Variants in IMMP1L observed in about 807,000 individuals in gnomAD.
IMMP1L encodes mitochondrial inner membrane protease subunit 1.
In IMMP1L, 24 loss-of-function variants were observed where a neutral mutation model predicts 21.8. The ratio of observed to expected loss-of-function variants is 1.10; its 90% CI spans 0.80 to 1.55. IMMP1L has a LOEUF of 1.55. Among genes scored for constraint, IMMP1L ranks in the 40% most tolerant of loss-of-function variants. The pLI is 0.00. For synonymous variants in IMMP1L, 46 were observed against 62.8 expected (o/e 0.73, Z 1.26); for missense variants, 195 against 200.7 (o/e 0.97, Z 0.17).
chr11:31,464,709 T>C (rs1329529051), intron 1 of IMMP1L, among the ~76,000 whole-genome samples: 2 of 152,158 alleles, frequency 1.3e-5, no homozygotes, highest in Non-Finnish European at 2.9e-5. Context: ...TCTCAATAGA[T>C]GCAGAAAAAG....
chr11:31,508,188 T>G (rs993070574), intron 1 of IMMP1L, among the ~76,000 whole-genome samples: 1 of 152,308 alleles, frequency 6.6e-6, no homozygotes, highest in Middle Eastern at 3.4e-3. Context: ...ATTCAAGACG[T>G]TTCTATCTGA....
chr11:31,500,118 C>T (rs1029158495), intron 1 of IMMP1L, among the ~76,000 whole-genome samples: 1 of 152,004 alleles, frequency 6.6e-6, no homozygotes, highest in African/African-American at 2.4e-5. Context: ...AAGCAAAGTA[C>T]ACCAATAAAT....
chr11:31,472,888 TG>T (rs1186079401), intron 1 of IMMP1L, among the ~76,000 whole-genome samples: 4 of 152,082 alleles, frequency 2.6e-5, no homozygotes, highest in African/African-American at 9.7e-5. Flanking sequence ...TTTTTTGAGA[TG>T]GAGTGTCGCT....
intron 1 of IMMP1L, among the ~76,000 whole-genome samples, chr11:31,484,029 T>A (rs562030855): frequency 6.6e-6 from 1 of 151,910 alleles, no homozygotes; most frequent in Non-Finnish European, 1.5e-5. Context: ...GTTTAATTTG[T>A]ATAACAAATA....
chr11:31,494,542 C>T (rs940140766), intron 1 of IMMP1L, among the ~76,000 whole-genome samples: 5 of 152,250 alleles, frequency 3.3e-5, no homozygotes, highest in Admixed American at 2.6e-4. Context: ...GTGATTAACA[C>T]TGGGCTCCTT....
intron 4 of IMMP1L, among the ~76,000 whole-genome samples, chr11:31,436,227 T>C (rs1485906712): frequency 6.6e-6 from 1 of 152,196 alleles, no homozygotes; most frequent in Non-Finnish European, 1.5e-5. Flanking sequence ...TTTTATGCAG[T>C]ATTTACTTTT....
intron 1 of IMMP1L, among the ~76,000 whole-genome samples, chr11:31,506,182 T>C (rs1197773099): frequency 1.3e-5 from 2 of 152,118 alleles, no homozygotes; most frequent in Non-Finnish European, 2.9e-5. Context: ...GAATTTAGTA[T>C]GTCCTTCATA....
intron 2 of IMMP1L, among the ~76,000 whole-genome samples, chr11:31,461,602 C>T (rs1954140691): frequency 6.6e-6 from 1 of 152,134 alleles, no homozygotes; most frequent in African/African-American, 2.4e-5. Context: ...TCACAGCCAA[C>T]ATGCAGTCAA....
intron 1 of IMMP1L, among the ~76,000 whole-genome samples, chr11:31,478,353 ATTC>A (rs2133740722): frequency 6.6e-6 from 1 of 152,332 alleles, no homozygotes. Flanking sequence ...CACAAATGTT[ATTC>A]TTTTTTATTC....
chr11:31,437,779 C>A (rs1479034092), intron 4 of IMMP1L, among the ~76,000 whole-genome samples: 1 of 152,126 alleles, frequency 6.6e-6, no homozygotes, highest in Non-Finnish European at 1.5e-5. Context: ...ACCCAGTCAA[C>A]GAGTGAACTG....
chr11:31,454,466 A>C (rs2133621507), intron 4 of IMMP1L, among the ~76,000 whole-genome samples: 1 of 151,178 alleles, frequency 6.6e-6, no homozygotes, highest in South Asian at 2.1e-4. Context: ...AAAAAAAAAA[A>C]AAAAAAAAAC....
At chr11:31,492,953 C>T (rs74666021) in intron 1 of IMMP1L, among the ~76,000 whole-genome samples, 117 of 152,222 alleles carry the variant, frequency 7.7e-4, no homozygotes, top group African/African-American at 2.8e-3. Context: ...CAAAATGTGA[C>T]ACAGGGACAC....
chr11:31,474,906 A>G (rs1407938051), intron 1 of IMMP1L, among the ~76,000 whole-genome samples: 1 of 152,162 alleles, frequency 6.6e-6, no homozygotes, highest in African/African-American at 2.4e-5. Flanking sequence ...CACAGAGCTA[A>G]TGAAAGAGAA....
chr11:31,474,753 A>T (rs1327999116), intron 1 of IMMP1L, among the ~76,000 whole-genome samples: 1 of 152,200 alleles, frequency 6.6e-6, no homozygotes, highest in Non-Finnish European at 1.5e-5. Context: ...AACTGCCATT[A>T]CTTTAAAGTT....
chr11:31,501,763 G>A (rs1294957930), intron 1 of IMMP1L, among the ~76,000 whole-genome samples: 1 of 151,310 alleles, frequency 6.6e-6, no homozygotes, highest in African/African-American at 2.4e-5. Context: ...AGCCCAGCCT[G>A]GCCAAAACAG....
At chr11:31,497,953 C>T (rs934276253) in intron 1 of IMMP1L, among the ~76,000 whole-genome samples, 4 of 152,050 alleles carry the variant, frequency 2.6e-5, no homozygotes, top group African/African-American at 9.7e-5. Flanking sequence ...AGGGCAGACA[C>T]AAATACTTCA....
intron 4 of IMMP1L, among the ~76,000 whole-genome samples, chr11:31,455,043 T>C (rs1953893624): frequency 6.6e-6 from 1 of 152,200 alleles, no homozygotes; most frequent in Non-Finnish European, 1.5e-5. Context: ...AACACTGTTA[T>C]CACCATAAGT....
intron 4 of IMMP1L, chr11:31,453,220 C>A (rs1017664247): frequency 6.6e-6 from 4 of 607,402 alleles, no homozygotes; most frequent in African/African-American, 6.0e-5. Flanking sequence ...ATCACTACAT[C>A]ACTTAACCAA....
chr11:31,487,697 C>T (rs1210567157), intron 1 of IMMP1L, among the ~76,000 whole-genome samples: 2 of 152,014 alleles, frequency 1.3e-5, no homozygotes, highest in African/African-American at 4.8e-5. Context: ...TATTACAGAA[C>T]ATTTAACAGT....
Sources: gnomAD v4.1 joint callset for allele counts (sites outside exome capture counted in the v4.1 genomes callset) on GRCh38, gnomAD v4.1.1 for gene constraint, MANE v1.5 for transcripts, NCBI Gene and HGNC (gene_info 2026-07-23, HGNC 2026-07-21) for gene names.